Variants in GRM7 observed in about 807,000 individuals in gnomAD.
GRM7 encodes glutamate metabotropic receptor 7, also known as metabotropic glutamate receptor 7.
A neutral mutation model predicts 84.5 loss-of-function variants in GRM7; 35 were observed. That is an observed-to-expected ratio of 0.41 (90% CI 0.32 to 0.55). The LOEUF (loss-of-function observed/expected upper bound fraction) is 0.55. Among genes scored for constraint, GRM7 ranks in the 20% least tolerant of loss-of-function variants. The probability of loss-of-function intolerance (pLI) is 0.19; values close to 1 mark genes in which losing one functional copy is unlikely to be tolerated. For missense variants in GRM7, 1,003 were observed against 1,194.6 expected (o/e 0.84, Z 2.36); for synonymous variants, 487 against 455.1 (o/e 1.07, Z -0.89).
chr3:7,301,729 TC>T (rs2125026191), intron 3 of GRM7, among the ~76,000 whole-genome samples: 1 of 152,318 alleles, frequency 6.6e-6, no homozygotes, highest in African/African-American at 2.4e-5. Context: ...CAATAATTAT[TC>T]TTGAGCACAG....
chr3:7,281,845 C>T (rs1164408398), intron 2 of GRM7, among the ~76,000 whole-genome samples: 22 of 152,146 alleles, frequency 1.4e-4, no homozygotes, highest in Non-Finnish European at 2.9e-5. Flanking sequence ...CTTTGGGAGG[C>T]CAAGGCGGAA....
chr3:7,489,638 A>G (rs1699449189), intron 7 of GRM7, among the ~76,000 whole-genome samples: 1 of 152,190 alleles, frequency 6.6e-6, no homozygotes, highest in African/African-American at 2.4e-5. Flanking sequence ...ATATGGTTGC[A>G]CAGTAGCATG....
chr3:6,971,376 C>T (rs936546979), intron 1 of GRM7, among the ~76,000 whole-genome samples: 1 of 152,144 alleles, frequency 6.6e-6, no homozygotes, highest in Non-Finnish European at 1.5e-5. Flanking sequence ...AACTTTTCTT[C>T]CTGAACAATT....
At chr3:6,888,957 A>C (rs1482130775) in intron 1 of GRM7, among the ~76,000 whole-genome samples, 1 of 152,044 alleles carries the variant, frequency 6.6e-6, no homozygotes, top group African/African-American at 2.4e-5. Context: ...ATCCCTTGTA[A>C]GTTGGATTCC....
chr3:7,548,945 G>A (rs992276706), intron 7 of GRM7, among the ~76,000 whole-genome samples: 1 of 152,170 alleles, frequency 6.6e-6, no homozygotes. Flanking sequence ...ATGCATGGTG[G>A]TGGTTATTAT....
chr3:6,975,062 G>A (rs971863279), intron 1 of GRM7, among the ~76,000 whole-genome samples: 5 of 152,136 alleles, frequency 3.3e-5, no homozygotes, highest in Admixed American at 2.0e-4. Context: ...AGAATACACA[G>A]AGAAGGGTTG....
intron 8 of GRM7, among the ~76,000 whole-genome samples, chr3:7,664,880 C>A (rs980448687): frequency 3.9e-5 from 6 of 152,004 alleles, no homozygotes; most frequent in Admixed American, 3.3e-4. Flanking sequence ...TACTCTTGAT[C>A]TCAAATTAGT....
chr3:7,000,776 G>T (rs1254002324), intron 1 of GRM7, among the ~76,000 whole-genome samples: 1 of 152,146 alleles, frequency 6.6e-6, no homozygotes, highest in East Asian at 1.9e-4. Flanking sequence ...ACTTTGGAAT[G>T]GGGAAAAGCA....
intron 1 of GRM7, among the ~76,000 whole-genome samples, chr3:7,116,309 G>T (rs528819488): frequency 6.6e-6 from 1 of 152,260 alleles, no homozygotes; most frequent in East Asian, 1.9e-4. Context: ...CTGAGGTGCA[G>T]CTATATGGAT....
At chr3:7,157,672 G>C (rs1694496966) in intron 2 of GRM7, among the ~76,000 whole-genome samples, 1 of 151,246 alleles carries the variant, frequency 6.6e-6, no homozygotes, top group Non-Finnish European at 1.5e-5. Flanking sequence ...AATGGCTTTT[G>C]CTTCTTTGTG....
intron 2 of GRM7, among the ~76,000 whole-genome samples, chr3:7,211,380 C>A (rs546093183): frequency 1.3e-4 from 20 of 152,274 alleles, no homozygotes; most frequent in African/African-American, 4.8e-4. Flanking sequence ...ATAGCACCCT[C>A]TGGGATTCTG....
At chr3:7,329,974 G>A (rs758566426) in intron 4 of GRM7, among the ~76,000 whole-genome samples, 26 of 151,970 alleles carry the variant, frequency 1.7e-4, no homozygotes, top group Admixed American at 6.6e-4. Flanking sequence ...CTAGTGTTTG[G>A]GAGTCACTCA....
intron 7 of GRM7, among the ~76,000 whole-genome samples, chr3:7,576,898 C>T (rs1694991128): frequency 6.6e-6 from 1 of 152,190 alleles, no homozygotes; most frequent in Non-Finnish European, 1.5e-5. Context: ...TACTGGCTTA[C>T]ATAATGTCAT....
At chr3:7,469,713 G>T (rs1189831698) in intron 7 of GRM7, among the ~76,000 whole-genome samples, 1 of 152,080 alleles carries the variant, frequency 6.6e-6, no homozygotes, top group Admixed American at 6.6e-5. Context: ...TGAAAAGATG[G>T]CATTTAACCT....
intron 7 of GRM7, among the ~76,000 whole-genome samples, chr3:7,476,599 CAATA>C (rs1698931727): frequency 6.6e-6 from 1 of 152,072 alleles, no homozygotes; most frequent in South Asian, 2.1e-4. Flanking sequence ...GTGGCTGATA[CAATA>C]AATATTTGCT....
intron 1 of GRM7, among the ~76,000 whole-genome samples, chr3:6,943,180 A>G (rs1169242122): frequency 6.6e-6 from 1 of 151,856 alleles, no homozygotes. Context: ...TTCTTACCAG[A>G]GTCTTTCAAA....
chr3:7,193,971 T>C (rs1318056723), intron 2 of GRM7, among the ~76,000 whole-genome samples: 2 of 152,118 alleles, frequency 1.3e-5, no homozygotes, highest in African/African-American at 4.8e-5. Flanking sequence ...TATAATCCAC[T>C]GGCTCTAAAA....
rs1491132903 is a variant in GRM7, at chr3:7,737,842, AAT to A, written c.2699-2514_2699-2513del. On this transcript the variant is annotated intron_variant, in intron 9 of 9. Coordinates refer to ENST00000357716, the MANE Select transcript of GRM7 (RefSeq NM_000844.4). The stretch of plus-strand genomic sequence containing the variant: ...TGCACCAGGTAAAAATTATTCTCCC[AAT>A]TTTTTTTTTTTTTTTTTTTTGACAC... Among the ~76,000 whole-genome samples, 406 of 148,330 alleles carry A rather than the reference AAT, an allele frequency of 2.7e-3. 5 individuals carry two copies. Among genetic ancestry groups the A allele is most frequent in the Middle Eastern group, 0.021 (6 of 292 alleles).
At chr3:7,595,145 T>C (rs1695979252) in intron 8 of GRM7, among the ~76,000 whole-genome samples, 2 of 152,186 alleles carry the variant, frequency 1.3e-5, no homozygotes, top group Admixed American at 1.3e-4. Flanking sequence ...TGAACAACAT[T>C]GACAAAGTTA....
Sources: gnomAD v4.1 joint callset for allele counts (sites outside exome capture counted in the v4.1 genomes callset) on GRCh38, gnomAD v4.1.1 for gene constraint, MANE v1.5 for transcripts, NCBI Gene and HGNC (gene_info 2026-07-23, HGNC 2026-07-21) for gene names.